RTTN: variants seen among roughly 807,000 people sequenced by gnomAD.
The protein encoded by RTTN is rotatin.
Under a neutral mutation model 269.2 loss-of-function variants are expected in RTTN, and 182 were observed. The ratio of observed to expected loss-of-function variants is 0.68; its 90% CI spans 0.60 to 0.76. The LOEUF is 0.76. Among genes scored for constraint, RTTN ranks in the 30% least tolerant of loss-of-function variants. The pLI is 0.00. For synonymous variants in RTTN, 1,006 were observed against 963.5 expected, an observed-to-expected ratio of 1.04 and a Z score of -0.82; for missense variants, 2,545 against 2,608.6, an observed-to-expected ratio of 0.98 and a Z score of 0.53.
At chr18:70,166,572 T>C (rs1407357336) in intron 13 of RTTN, 1 of 203,858 alleles carries the variant, frequency 4.9e-6, no homozygotes, top group Non-Finnish European at 9.7e-6. Context: ...TACAAAGTAA[T>C]AAAAGTTACA....
At chr18:70,090,450 G>A (rs923754601) in intron 30 of RTTN, among the ~76,000 whole-genome samples, 3 of 152,050 alleles carry the variant, frequency 2.0e-5, no homozygotes, top group African/African-American at 7.2e-5. Context: ...TTATTGTATT[G>A]CACTCAGCCT....
Position 70,062,004 on chromosome 18 carries a change from C to A in RTTN, c.4748-1962G>T, listed in dbSNP as rs78204391. 3.5e-3 allele frequency among the ~76,000 whole-genome samples: 534 copies of A among 152,214 alleles called. 4 individuals are homozygous for A. Among genetic ancestry groups the A allele is most frequent in the African/African-American group, 0.012 (515 of 41,534 alleles). The stretch of plus-strand genomic sequence containing the variant: ...CAATATATTTACTTATTTGCCTTGC[C>A]TTATGAACACAATAAGTAGTTTCAG... On this transcript the variant is annotated intron_variant, in intron 35 of 48. Coordinates refer to ENST00000640769, the MANE Select transcript of RTTN (RefSeq NM_173630.4).
intron 25 of RTTN, among the ~76,000 whole-genome samples, chr18:70,123,533 C>T (rs1180817590): frequency 1.3e-5 from 2 of 152,078 alleles, no homozygotes; most frequent in African/African-American, 4.8e-5. Context: ...TTCTACTCTA[C>T]TTCTTTGAAT....
At chr18:70,150,563 G>A (rs2060509847) in intron 15 of RTTN, 45 bp downstream of exon 15, 1 of 1,578,436 alleles carries the variant, frequency 6.3e-7, no homozygotes. Flanking sequence ...ATTTAGCTGA[G>A]TATCTAAGTT....
chr18:70,160,514 C>T (rs536041318), intron 14 of RTTN, among the ~76,000 whole-genome samples: 1 of 152,008 alleles, frequency 6.6e-6, no homozygotes, highest in East Asian at 1.9e-4. Context: ...AGAACCAGAA[C>T]AAGACAAAGA....
intron 14 of RTTN, among the ~76,000 whole-genome samples, chr18:70,165,754 T>G (rs2060968417): frequency 6.6e-6 from 1 of 152,134 alleles, no homozygotes; most frequent in African/African-American, 2.4e-5. Context: ...CTAAAAGGTT[T>G]CCTGGGCATA....
chr18:70,179,094 TC>T (rs2061364459), intron 10 of RTTN, among the ~76,000 whole-genome samples: 1 of 152,198 alleles, frequency 6.6e-6, no homozygotes, highest in Non-Finnish European at 1.5e-5. Context: ...AGGCTATATT[TC>T]TCTGATCCCC....
chr18:70,047,599 A>G (rs1383692403), intron 40 of RTTN, among the ~76,000 whole-genome samples: 1 of 152,248 alleles, frequency 6.6e-6, no homozygotes, highest in East Asian at 1.9e-4. Flanking sequence ...GTCACTTAGA[A>G]TATATTTTCA....
chr18:70,009,113 A>C (rs1482346427), intron 46 of RTTN: 1 of 152,230 alleles, frequency 6.6e-6, no homozygotes, highest in African/African-American at 2.4e-5. Flanking sequence ...AATATTCAAC[A>C]TTCTTAAAGA....
chr18:70,144,809 T>C (rs1028761152), intron 18 of RTTN, among the ~76,000 whole-genome samples: 12 of 152,182 alleles, frequency 7.9e-5, no homozygotes, highest in African/African-American at 2.9e-4. Flanking sequence ...CCGACTGTAT[T>C]ACATGTGGCT....
chr18:70,069,069 G>A (rs1459979591), intron 34 of RTTN, among the ~76,000 whole-genome samples: 1 of 152,138 alleles, frequency 6.6e-6, no homozygotes, highest in African/African-American at 2.4e-5. Flanking sequence ...GATAAGATGA[G>A]TATGTTCTGG....
chr18:70,041,098 T>C (rs1279427526), intron 40 of RTTN, among the ~76,000 whole-genome samples: 1 of 151,864 alleles, frequency 6.6e-6, no homozygotes, highest in African/African-American at 2.4e-5. Flanking sequence ...TCCCAGCTTC[T>C]TGGGAGGCTT....
chr18:70,091,664 C>T (rs1599486813), intron 30 of RTTN: 1 of 152,146 alleles, frequency 6.6e-6, no homozygotes, highest in African/African-American at 2.4e-5. Flanking sequence ...GTTATGGCAG[C>T]CTAAGCTAAA....
intron 34 of RTTN, among the ~76,000 whole-genome samples, chr18:70,072,764 C>T (rs1224823395): frequency 6.6e-6 from 1 of 152,142 alleles, no homozygotes; most frequent in African/African-American, 2.4e-5. Flanking sequence ...AGCACACTTT[C>T]ATGCTGTCCT....
intron 19 of RTTN, among the ~76,000 whole-genome samples, chr18:70,141,311 T>A (rs1320107790): frequency 6.6e-6 from 1 of 152,128 alleles, no homozygotes; most frequent in Non-Finnish European, 1.5e-5. Context: ...ACATCACGTA[T>A]GGGGAAAAAT....
intron 46 of RTTN, among the ~76,000 whole-genome samples, chr18:70,017,154 C>A (rs929466632): frequency 1.3e-5 from 2 of 152,038 alleles, no homozygotes; most frequent in Admixed American, 6.5e-5. Context: ...AGGGAGCCCT[C>A]GTCCACGGCT....
rs113324346 is a variant in RTTN at position 70,108,015 on chromosome 18, C to T, written c.3903+1483G>A. On this transcript the variant is annotated intron_variant, in intron 28 of 48. Coordinates refer to ENST00000640769, the MANE Select transcript of RTTN (RefSeq NM_173630.4). ...TCAGGCCAGGCGCAGTGGCTCACAC[C>T]CGTAATCCCAGCACTTTGGGAGGCC... Among the ~76,000 whole-genome samples the T allele has an allele frequency of 5.1e-3, 773 of 152,328 alleles. 6 individuals are homozygous for T. Among genetic ancestry groups the T allele is most frequent in the African/African-American group, 0.018 (733 of 41,564 alleles).
chr18:70,168,705 A>T, intron 12 of RTTN, 150 bp downstream of exon 12: 1 of 571,282 alleles, frequency 1.8e-6, no homozygotes, highest in Non-Finnish European at 3.0e-6. Flanking sequence ...TTAACCTGTT[A>T]AATAACAGGT....
At chr18:70,006,930 C>CAAA (rs1447444349) in intron 46 of RTTN, 1 of 154,204 alleles carries the variant, frequency 6.5e-6, no homozygotes, top group African/African-American at 2.4e-5. Context: ...TCAAATATCA[C>CAAA]ACTGCTTGAT....
Sources: allele counts gnomAD v4.1 joint callset (sites outside exome capture counted in the v4.1 genomes callset), GRCh38; gene constraint gnomAD v4.1.1; transcripts MANE v1.5; gene names NCBI Gene and HGNC (gene_info 2026-07-23, HGNC 2026-07-21).